CSMD1: variants seen among roughly 807,000 people sequenced by gnomAD.
CSMD1 encodes the protein CUB and sushi domain-containing protein 1.
CSMD1 carries 213 observed loss-of-function variants against 417.5 expected under a neutral mutation model. The ratio of observed to expected loss-of-function variants is 0.51; its 90% confidence interval spans 0.46 to 0.57. CSMD1 has a LOEUF of 0.57. Ranked by LOEUF, CSMD1 falls within the 20% of genes least tolerant of loss-of-function variation. The pLI, the probability that CSMD1 is intolerant of heterozygous loss-of-function variation, is 0.00. For missense variants in CSMD1, 6,923 were observed against 4,529.7 expected (o/e 1.53, Z -15.17); for synonymous variants, 2,862 against 1,736.8 (o/e 1.65, Z -16.11).
intron 37 of CSMD1, among the ~76,000 whole-genome samples, chr8:3,175,483 T>TCCTGCCTTCCTTCCTGCCTGCCTG (rs1554451345): frequency 2.5e-5 from 3 of 121,588 alleles, no homozygotes; most frequent in Non-Finnish European, 5.0e-5. Flanking sequence ...TTCCCTTCCT[T>TCCTGCCTTCCTTCCTGCCTGCCTG]CCTGCCTGCC....
chr8:3,551,796 G>T (rs879460999), intron 10 of CSMD1, among the ~76,000 whole-genome samples: 1 of 152,058 alleles, frequency 6.6e-6, no homozygotes, highest in Admixed American at 6.5e-5. Context: ...ATGTGATCAT[G>T]CTGAGTGTGA....
intron 1 of CSMD1, among the ~76,000 whole-genome samples, chr8:4,914,903 G>A (rs533738443): frequency 6.6e-6 from 1 of 152,274 alleles, no homozygotes; most frequent in Non-Finnish European, 1.5e-5. Context: ...GTATTCCCAA[G>A]TCACAGAAAA....
chr8:3,191,231 G>A lies in CSMD1; in HGVS notation c.5195-1116C>T, dbSNP rs143017075. ...GCACTTTGGGAGGCAGAGGAGGGTGGATCACTTGAGGTCGAGAGTTCGTTT... is the reference window on the plus strand; with the variant it reads ...GCACTTTGGGAGGCAGAGGAGGGTGAATCACTTGAGGTCGAGAGTTCGTTT... On this transcript the variant is annotated intron_variant, in intron 33 of 69. Coordinates refer to ENST00000635120, the MANE Select transcript of CSMD1 (RefSeq NM_033225.6). Among the ~76,000 whole-genome samples the A allele has an allele frequency of 5.1e-4, 78 of 152,262 alleles. No individual in the cohort carries two copies. In the East Asian group the frequency reaches 0.011, roughly 22 times the overall value.
chr8:4,127,822 T>A (rs529663887), intron 3 of CSMD1, among the ~76,000 whole-genome samples: 1 of 152,322 alleles, frequency 6.6e-6, no homozygotes, highest in Admixed American at 6.5e-5. Flanking sequence ...TCATTATTTA[T>A]CATTCTTATT....
chr8:3,493,145 T>C (rs1162851994), intron 11 of CSMD1, among the ~76,000 whole-genome samples: 1 of 151,770 alleles, frequency 6.6e-6, no homozygotes, highest in African/African-American at 2.4e-5. Context: ...AATACAAAAA[T>C]TAGCCTGGCA....
intron 7 of CSMD1, among the ~76,000 whole-genome samples, chr8:3,680,217 A>G (rs1799578842): frequency 6.6e-6 from 1 of 152,196 alleles, no homozygotes; most frequent in Non-Finnish European, 1.5e-5. Flanking sequence ...GAGATACAAA[A>G]AAACCCTTCA....
chr8:3,091,056 A>G (rs1049072976), intron 48 of CSMD1, among the ~76,000 whole-genome samples: 1 of 152,080 alleles, frequency 6.6e-6, no homozygotes, highest in African/African-American at 2.4e-5. Context: ...TTATTTGTAC[A>G]AATATATATA....
At chr8:4,481,116 C>T (rs976139195) in intron 2 of CSMD1, among the ~76,000 whole-genome samples, 4 of 152,212 alleles carry the variant, frequency 2.6e-5, no homozygotes, top group Admixed American at 2.6e-4. Flanking sequence ...GCCTTATTTA[C>T]AATGAGCATC....
At chr8:3,422,037 C>A (rs1813524260) in intron 12 of CSMD1, among the ~76,000 whole-genome samples, 1 of 152,150 alleles carries the variant, frequency 6.6e-6, no homozygotes, top group African/African-American at 2.4e-5. Flanking sequence ...AGAGCGTGAG[C>A]CACCATGTCC....
intron 12 of CSMD1, among the ~76,000 whole-genome samples, chr8:3,415,065 G>C (rs28608695): frequency 0.025 from 3,872 of 152,102 alleles, 61 homozygotes; most frequent in Middle Eastern, 0.041. Context: ...CTAAATTATT[G>C]TTCTTATTAA....
At chr8:3,565,510 C>A (rs1799667723) in intron 10 of CSMD1, among the ~76,000 whole-genome samples, 1 of 152,174 alleles carries the variant, frequency 6.6e-6, no homozygotes, top group East Asian at 1.9e-4. Flanking sequence ...TTCAAAATGT[C>A]TTAAACCAAT....
Position 4,586,546 on chromosome 8 carries a change from T to C in CSMD1, c.302+50796A>G, listed in dbSNP as rs373420139. 3.9e-5 allele frequency among the ~76,000 whole-genome samples: 6 copies of C among 152,188 alleles called. No individual in the cohort carries two copies. The East Asian group carries it at 7.7e-4, about 20-fold the overall frequency. The stretch of plus-strand genomic sequence containing the variant: ...CAATTTTCCAGGAAAAATCAATGTT[T>C]TTATGGACGTAACCTTTTTAGCATT... On this transcript the variant is annotated intron_variant, in intron 2 of 69. Coordinates refer to ENST00000635120, the MANE Select transcript of CSMD1 (RefSeq NM_033225.6).
At chr8:4,129,684 C>T (rs1209954136) in intron 3 of CSMD1, among the ~76,000 whole-genome samples, 2 of 152,126 alleles carry the variant, frequency 1.3e-5, no homozygotes, top group Admixed American at 6.5e-5. Flanking sequence ...CACCTAATGA[C>T]ATTTTGTTAT....
Position 4,332,552 on chromosome 8 carries a change from TACACACACACACACACACACACACAC to T in CSMD1, c.415+87375_415+87400del, listed in dbSNP as rs368534632. ...AATACCCTTCTGTCATGATATCACA[TACACACACACACACACACACACACAC>T]ACACACACACACACACACACACACA... is the stretch of plus-strand genomic sequence containing the variant. On this transcript the variant is annotated intron_variant, in intron 3 of 69. Coordinates refer to ENST00000635120, the MANE Select transcript of CSMD1 (RefSeq NM_033225.6). 1.6e-4 allele frequency among the ~76,000 whole-genome samples: 20 copies of T among 128,814 alleles called. 1 individual carries two copies. Among genetic ancestry groups the T allele is most frequent in the African/African-American group, 3.9e-4 (14 of 35,632 alleles). The allele number at this position is 128,814 out of a possible 152,430, so 84.5% of individuals were successfully genotyped here.
intron 2 of CSMD1, among the ~76,000 whole-genome samples, chr8:4,589,906 A>G (rs767040298): frequency 4.6e-5 from 7 of 152,174 alleles, no homozygotes; most frequent in Non-Finnish European, 8.8e-5. Context: ...TTCTGACACC[A>G]TAGAATATGT....
intron 10 of CSMD1, among the ~76,000 whole-genome samples, chr8:3,563,087 T>G (rs1211448158): frequency 1.3e-5 from 2 of 152,094 alleles, no homozygotes; most frequent in Non-Finnish European, 2.9e-5. Flanking sequence ...TATACAGGGT[T>G]GTAATTTTTC....
chr8:4,445,276 A>G (rs1408511962), intron 2 of CSMD1, among the ~76,000 whole-genome samples: 1 of 152,092 alleles, frequency 6.6e-6, no homozygotes, highest in African/African-American at 2.4e-5. Flanking sequence ...CTCTGTCATT[A>G]CCTATGACAT....
At chr8:4,022,315 T>A (rs1306448126) in intron 4 of CSMD1, among the ~76,000 whole-genome samples, 1 of 152,024 alleles carries the variant, frequency 6.6e-6, no homozygotes, top group Non-Finnish European at 1.5e-5. Flanking sequence ...AAGTATTATT[T>A]AGTGAACACC....
intron 3 of CSMD1, among the ~76,000 whole-genome samples, chr8:4,337,515 C>G (rs888443880): frequency 2.0e-5 from 3 of 152,054 alleles, no homozygotes; most frequent in Non-Finnish European, 4.4e-5. Flanking sequence ...ATAATTAATA[C>G]TCAGATCGTA....
Sources: gnomAD v4.1 joint callset for allele counts (sites outside exome capture counted in the v4.1 genomes callset) on GRCh38, gnomAD v4.1.1 for gene constraint, MANE v1.5 for transcripts, NCBI Gene and HGNC (gene_info 2026-07-23, HGNC 2026-07-21) for gene names.